The following DPPA2 variants were observed in gnomAD, a reference collection of about 807,000 sequenced individuals.
DPPA2 encodes the protein developmental pluripotency associated 2.
DPPA2 carries 26 observed loss-of-function variants against 36.2 expected under a neutral mutation model. The observed-to-expected ratio is 0.72, with a 90% CI of 0.53 to 1.00. The LOEUF (loss-of-function observed/expected upper bound fraction) is 1.00. Ranked by LOEUF, DPPA2 falls within the 50% of genes least tolerant of loss-of-function variation. DPPA2 has a pLI of 0.00. For missense variants in DPPA2, 361 were observed against 365.1 expected, an observed-to-expected ratio of 0.99 and a Z score of 0.09; for synonymous variants, 113 against 123.2, an observed-to-expected ratio of 0.92 and a Z score of 0.55.
At chr3:109,294,873 T>A (rs1405178322) in intron 8 of DPPA2, among the ~76,000 whole-genome samples, 1 of 151,868 alleles carries the variant, frequency 6.6e-6, no homozygotes, top group East Asian at 1.9e-4. Flanking sequence ...AATACAAAAT[T>A]AGTCGGGCAT....
intron 8 of DPPA2, among the ~76,000 whole-genome samples, chr3:109,298,505 G>A (rs75614041): frequency 6.6e-6 from 1 of 151,272 alleles, no homozygotes; most frequent in Non-Finnish European, 1.5e-5. Flanking sequence ...ACGAGGTCAG[G>A]AGCTCAAGAC....
intron 1 of DPPA2, among the ~76,000 whole-genome samples, chr3:109,315,371 CAAT>C (rs1156567236): frequency 6.6e-6 from 1 of 151,976 alleles, no homozygotes; most frequent in Non-Finnish European, 1.5e-5. Flanking sequence ...ATTAAGCCTG[CAAT>C]AATATTGAGC....
intron 6 of DPPA2, among the ~76,000 whole-genome samples, chr3:109,306,181 T>A (rs962316783): frequency 6.6e-6 from 1 of 152,174 alleles, no homozygotes; most frequent in African/African-American, 2.4e-5. Context: ...CAGCTAGACA[T>A]ACCTCTGGAC....
At chr3:109,309,942 C>A (rs1189349305) in intron 3 of DPPA2, among the ~76,000 whole-genome samples, 1 of 150,434 alleles carries the variant, frequency 6.6e-6, no homozygotes. Flanking sequence ...ATTACCTGGG[C>A]ATATGGCCAG....
intron 1 of DPPA2, among the ~76,000 whole-genome samples, chr3:109,315,673 C>G (rs1707774119): frequency 6.6e-6 from 1 of 152,116 alleles, no homozygotes; most frequent in Admixed American, 6.5e-5. Flanking sequence ...GTCCATTAAT[C>G]TCAGGACCCA....
intron 8 of DPPA2, among the ~76,000 whole-genome samples, chr3:109,297,363 A>T (rs968303758): frequency 3.3e-5 from 5 of 152,106 alleles, no homozygotes; most frequent in African/African-American, 4.8e-5. Flanking sequence ...ATCTCTACTG[A>T]AAATACAAAA....
chr3:109,315,794 C>T (rs942451216), intron 1 of DPPA2, among the ~76,000 whole-genome samples: 6 of 151,694 alleles, frequency 4.0e-5, no homozygotes, highest in Non-Finnish European at 7.4e-5. Context: ...TTTGGGAGGC[C>T]GAGGAAGGAC....
intron 8 of DPPA2, among the ~76,000 whole-genome samples, chr3:109,299,664 C>T (rs1300692918): frequency 1.6e-4 from 22 of 133,804 alleles, no homozygotes; most frequent in Non-Finnish European, 2.5e-4. Flanking sequence ...CCAGCCTGGG[C>T]GACAAGAATG....
Position 109,312,699 on chromosome 3 carries a change from A to G in DPPA2, c.34-7T>C, listed in dbSNP as rs746903305. The G allele has an allele frequency of 6.2e-7, 1 of 1,612,722 alleles. No homozygotes were observed. Among genetic ancestry groups the G allele is most frequent in the Non-Finnish European group, 8.5e-7 (1 of 1,178,956 alleles). On this transcript the variant is annotated splice_polypyrimidine_tract_variant and splice_region_variant and intron_variant, in intron 2 of 8. Coordinates refer to ENST00000478945, the MANE Select transcript of DPPA2 (RefSeq NM_138815.4). ...CTTCCCCCTCCAAGAAATTCTGGAA[A>G]GAGAAGTCAGTCACTGATTTTCATT...
At chr3:109,313,330 G>A (rs1447794495) in intron 2 of DPPA2, among the ~76,000 whole-genome samples, 1 of 152,106 alleles carries the variant, frequency 6.6e-6, no homozygotes, top group Non-Finnish European at 1.5e-5. Context: ...CAGCCACACT[G>A]GGCTCATTTC....
intron 8 of DPPA2, among the ~76,000 whole-genome samples, chr3:109,298,936 C>G (rs543273472): frequency 6.6e-6 from 1 of 151,986 alleles, no homozygotes; most frequent in Non-Finnish European, 1.5e-5. Context: ...GTCCCAGCTA[C>G]TTGGGAGGCT....
chr3:109,301,354 A>T (rs1315834711), intron 7 of DPPA2, among the ~76,000 whole-genome samples: 1 of 151,716 alleles, frequency 6.6e-6, no homozygotes, highest in East Asian at 1.9e-4. Flanking sequence ...TGGTTTTTTC[A>T]TTTAAAAAAA....
At chr3:109,309,427 C>T in intron 3 of DPPA2, 97 bp from the exon 4 acceptor site, 1 of 1,379,118 alleles carries the variant, frequency 7.3e-7, no homozygotes, top group Non-Finnish European at 1.0e-6. Flanking sequence ...GTGGCTCACG[C>T]CTGTAATCCC....
At chr3:109,299,922 T>C (rs971554672) in intron 8 of DPPA2, among the ~76,000 whole-genome samples, 1 of 151,910 alleles carries the variant, frequency 6.6e-6, no homozygotes, top group Non-Finnish European at 1.5e-5. Context: ...TGCCCAGCCC[T>C]GCCTCATCAA....
chr3:109,315,086 A>G (rs1707767878), intron 1 of DPPA2, among the ~76,000 whole-genome samples: 1 of 152,232 alleles, frequency 6.6e-6, no homozygotes, highest in Non-Finnish European at 1.5e-5. Flanking sequence ...GAAAGAAGAA[A>G]AAAAAATAGG....
At chr3:109,299,448 C>T (rs953561012) in intron 8 of DPPA2, among the ~76,000 whole-genome samples, 16 of 151,886 alleles carry the variant, frequency 1.1e-4, no homozygotes, top group Admixed American at 2.6e-4. Flanking sequence ...AGGTGGGAGG[C>T]GGAGGTTGCA....
At chr3:109,299,886 G>C (rs1707428528) in intron 8 of DPPA2, among the ~76,000 whole-genome samples, 1 of 151,730 alleles carries the variant, frequency 6.6e-6, no homozygotes, top group South Asian at 2.1e-4. Context: ...CTTCCCGGTA[G>C]CTGGGACTAC....
chr3:109,299,558 C>T lies in DPPA2; in HGVS notation c.*22+813G>A, dbSNP rs551210528. On this transcript the variant is annotated intron_variant, in intron 8 of 8. Transcript: ENST00000478945. ...AAATTTAGCTGGGCGTGGTGGTGTGCACCTGTAATCCCAGCTACTTGGGAG... is the reference window on the plus strand; with the variant it reads ...AAATTTAGCTGGGCGTGGTGGTGTGTACCTGTAATCCCAGCTACTTGGGAG... Among the ~76,000 whole-genome samples, 29 of 150,644 alleles carry T rather than the reference C, an allele frequency of 1.9e-4. 2 individuals carry two copies. In the East Asian group the frequency reaches 5.3e-3, roughly 28 times the overall value.
chr3:109,308,339 G>C (rs368968667), intron 5 of DPPA2, 46 bp from the exon 6 acceptor site: 15 of 1,576,920 alleles, frequency 9.5e-6, no homozygotes, highest in Non-Finnish European at 1.3e-5. Context: ...CGCTAGGGCT[G>C]TAAGGACTTT....
Sources: allele counts gnomAD v4.1 joint callset (sites outside exome capture counted in the v4.1 genomes callset), GRCh38; gene constraint gnomAD v4.1.1; transcripts MANE v1.5; gene names NCBI Gene and HGNC (gene_info 2026-07-23, HGNC 2026-07-21).